TBCCD1: variants seen among roughly 807,000 people sequenced by gnomAD.
The protein encoded by TBCCD1 is TBCC domain containing 1, also known as TBCC domain-containing protein 1.
In TBCCD1, 26 loss-of-function variants were observed where a neutral mutation model predicts 53.4. The ratio of observed to expected loss-of-function variants is 0.49; its 90% CI spans 0.36 to 0.68. The LOEUF (loss-of-function observed/expected upper bound fraction) is 0.68. Among genes scored for constraint, TBCCD1 ranks in the 30% least tolerant of loss-of-function variants. The probability of loss-of-function intolerance (pLI) is 0.00; values close to 1 mark genes in which losing one functional copy is unlikely to be tolerated. For missense variants in TBCCD1, 558 were observed against 669.5 expected, an observed-to-expected ratio of 0.83 and a Z score of 1.84; for synonymous variants, 245 against 241.7, an observed-to-expected ratio of 1.01 and a Z score of -0.13.
At chr3:186,564,446 CCT>C in intron 1 of TBCCD1, 74 bp from the exon 2 acceptor site, 5 of 986,724 alleles carry the variant, frequency 5.1e-6, no homozygotes, top group Non-Finnish European at 5.8e-6. Context: ...GAAGGTGACC[CCT>C]CTCTCTCAAC....
At position 186,564,981 on chromosome 3, in the gene TBCCD1, T is replaced by C. The variant is rs183225663; in HGVS notation, c.-43-609A>G. On this transcript the variant is annotated intron_variant, in intron 1 of 7. Coordinates refer to ENST00000338733, the MANE Select transcript of TBCCD1 (RefSeq NM_018138.5). ...AGTTCAGGTGTGATTTTTTAGATTT[T>C]TTTTTGTTGTAACAATGATACATGA... Among the ~76,000 whole-genome samples the C allele has an allele frequency of 3.0e-3, 454 of 152,350 alleles. 2 individuals carry two copies. Among genetic ancestry groups the C allele is most frequent in the Admixed American group, 5.0e-3 (77 of 15,302 alleles).
chr3:186,551,115 G>A lies in TBCCD1; in HGVS notation c.*21+14C>T, dbSNP rs202198614. 1.2e-6 allele frequency: 2 copies of A among 1,601,934 alleles called. No individual in the cohort carries two copies. The highest frequency in any genetic ancestry group is 2.7e-5 in the African/African-American group (2 of 74,346). On this transcript the variant is annotated intron_variant, in intron 7 of 7. Coordinates refer to ENST00000338733, the MANE Select transcript of TBCCD1 (RefSeq NM_018138.5). Reference sequence around the variant, plus strand: ...TCCCCAAAAGAATCTGTTTTAAGTGGTATAAATGCCTACCAGTGTCTGCAT... The same window carrying A: ...TCCCCAAAAGAATCTGTTTTAAGTGATATAAATGCCTACCAGTGTCTGCAT...
At chr3:186,557,952 A>G (rs762307129) in intron 3 of TBCCD1, among the ~76,000 whole-genome samples, 2 of 152,260 alleles carry the variant, frequency 1.3e-5, no homozygotes, top group African/African-American at 2.4e-5. Context: ...GAAAAAAGCA[A>G]TAAGACATCC....
In TBCCD1 at chr3:186,556,654, G is replaced by A. The variant is rs988317677; in HGVS notation, c.614C>T (p.Ser205Phe). 6 of 1,614,042 alleles carry A rather than the reference G, an allele frequency of 3.7e-6. No homozygotes were observed. The African/African-American group carries it at 6.7e-5, about 18-fold the overall frequency. Reference sequence around the variant, plus strand: ...GCTGAGCGCCACAACAGCTTCTCGAGACACTAGACTACTATGGGTTGAATG... The same window carrying A: ...GCTGAGCGCCACAACAGCTTCTCGAAACACTAGACTACTATGGGTTGAATG... ...SFHSTHSSLV[S>F]REAVVALSFL... The change falls in exon 4 of 8, where the codon TCT becomes TTT. Residue 205 changes from serine to phenylalanine, a missense_variant. Transcript: ENST00000338733.
chr3:186,558,433 G>C lies in TBCCD1; in HGVS notation c.476C>G (p.Ser159Cys). ...KSQSPDLTEK[S>C]NCHNKNWNDY... ...AAGGAGTACCTTATTATGACAATTA[G>C]ATTTTTCAGTCAGGTCAGGAGACTG... The change falls in exon 3 of 8, where the codon TCT (serine) becomes TGT (cysteine). Residue 159 changes from serine to cysteine, a missense_variant. Physicochemically the swap from Ser to Cys is moderately radical, Grantham distance 112. Coordinates refer to ENST00000338733, the MANE Select transcript of TBCCD1 (RefSeq NM_018138.5). 1 of 1,614,024 alleles carries C rather than the reference G, an allele frequency of 6.2e-7. No homozygotes were observed. Among genetic ancestry groups the C allele is most frequent in the Non-Finnish European group, 8.5e-7 (1 of 1,179,996 alleles).
chr3:186,564,633 T>C (rs925313160), intron 1 of TBCCD1, among the ~76,000 whole-genome samples: 1 of 151,766 alleles, frequency 6.6e-6, no homozygotes, highest in Non-Finnish European at 1.5e-5. Context: ...TGTAGATGCA[T>C]GAAGTCTGAG....
intron 7 of TBCCD1, among the ~76,000 whole-genome samples, chr3:186,548,132 A>G (rs530495602): frequency 2.0e-5 from 3 of 152,234 alleles, no homozygotes; most frequent in Admixed American, 6.5e-5. Context: ...ATGTCCATCA[A>G]CTGATCAACA....
chr3:186,558,680 C>A (rs374128837), intron 2 of TBCCD1, 108 bp from the exon 3 acceptor site: 3 of 1,231,786 alleles, frequency 2.4e-6, no homozygotes, highest in South Asian at 1.6e-5. Flanking sequence ...CCTAAAAAAA[C>A]CAACTTAGAA....
rs193137971 is a variant in TBCCD1, at chr3:186,561,890, T to C, written c.336+2104A>G. ...ACTTCTGGGTATTTATCCAAAGGAATTGAAATCAGGATCCTGCAAATACCT... is the reference window on the plus strand; with the variant it reads ...ACTTCTGGGTATTTATCCAAAGGAACTGAAATCAGGATCCTGCAAATACCT... On this transcript the variant is annotated intron_variant, in intron 2 of 7. Coordinates refer to ENST00000338733, the MANE Select transcript of TBCCD1 (RefSeq NM_018138.5). Among the ~76,000 whole-genome samples, 184 of 152,348 alleles carry C rather than the reference T, an allele frequency of 1.2e-3. 3 individuals are homozygous for C. The highest frequency in any genetic ancestry group is 4.3e-3 in the African/African-American group (177 of 41,582).
Position 186,564,230 on chromosome 3 carries a change from T to A in TBCCD1, c.100A>T (p.Arg34Trp). Residue 34 changes from arginine to tryptophan, a missense_variant, in exon 2 of 8, where the codon AGG (arginine) becomes TGG (tryptophan). Arg to Trp is a moderately radical substitution (Grantham distance 101, BLOSUM62 -3). Coordinates refer to ENST00000338733, the MANE Select transcript of TBCCD1 (RefSeq NM_018138.5). ...PPSKFSLHYL[R>W]KISTYVQIRA... is the part of the protein sequence containing the mutation. ...ATTTGCACATAGGTGGATATCTTCCTGAGATAGTGAAGACTAAACTTGGAT... is the reference window on the plus strand; with the variant it reads ...ATTTGCACATAGGTGGATATCTTCCAGAGATAGTGAAGACTAAACTTGGAT... 3 of 1,614,190 alleles carry A rather than the reference T, an allele frequency of 1.9e-6. No individual in the cohort carries two copies. The highest frequency in any genetic ancestry group is 2.5e-6 in the Non-Finnish European group (3 of 1,180,020).
At chr3:186,563,946 T>C in intron 2 of TBCCD1, 48 bp downstream of exon 2, 1 of 1,493,590 alleles carries the variant, frequency 6.7e-7, no homozygotes, top group Non-Finnish European at 8.9e-7. Context: ...TAAAAAAGAA[T>C]GGTTTCTTTC....
At position 186,556,539 on chromosome 3, in the gene TBCCD1, G is replaced by A. The variant is rs1453624272; in HGVS notation, c.729C>T (p.Gly243=). 1 of 1,613,454 alleles carries A rather than the reference G, an allele frequency of 6.2e-7. No individual in the cohort carries two copies. Among genetic ancestry groups the A allele is most frequent in the South Asian group, 1.1e-5 (1 of 90,856 alleles). ...ALWQPLHADS[G]FSKISKTFSF... Reference sequence around the variant, plus strand: ...AGAAAGTCTTAGAGATCTTTGAGAAGCCACTATCTGCATGCAGTGGTTGCC... The same window carrying A: ...AGAAAGTCTTAGAGATCTTTGAGAAACCACTATCTGCATGCAGTGGTTGCC... The change falls in exon 4 of 8, where the codon GGC becomes GGT. Residue 243 remains glycine, a synonymous_variant. Transcript: ENST00000338733.
At chr3:186,563,910 G>T in intron 2 of TBCCD1, 84 bp downstream of exon 2, 1 of 1,441,096 alleles carries the variant, frequency 6.9e-7, no homozygotes, top group Non-Finnish European at 9.2e-7. Flanking sequence ...TCTAAAAATT[G>T]TAATAAGCAA....
chr3:186,555,159 G>A (rs766880426), intron 4 of TBCCD1, 75 bp from the exon 5 acceptor site: 27 of 1,391,562 alleles, frequency 1.9e-5, no homozygotes, highest in Admixed American at 7.3e-5. Flanking sequence ...GAGGTTACAC[G>A]TCTACATGTA....
intron 6 of TBCCD1, among the ~76,000 whole-genome samples, chr3:186,552,187 T>G (rs1271475850): frequency 6.6e-6 from 1 of 151,988 alleles, no homozygotes; most frequent in Non-Finnish European, 1.5e-5. Context: ...AATGAGTATT[T>G]GGAGAGGAAT....
intron 1 of TBCCD1, among the ~76,000 whole-genome samples, 156 bp downstream of exon 1, chr3:186,567,111 C>T (rs1714855518): frequency 6.6e-6 from 1 of 152,236 alleles, no homozygotes; most frequent in Non-Finnish European, 1.5e-5. Flanking sequence ...TGGGCCGCCC[C>T]AGCGTCGCGA....
chr3:186,553,259 TTCA>T (rs1211195391), intron 6 of TBCCD1: 1 of 152,236 alleles, frequency 6.6e-6, no homozygotes, highest in African/African-American at 2.4e-5. Flanking sequence ...ATCTAAGCAC[TTCA>T]TCGTTTCTTG....
At chr3:186,566,662 G>A (rs1714840971) in intron 1 of TBCCD1, among the ~76,000 whole-genome samples, 1 of 152,228 alleles carries the variant, frequency 6.6e-6, no homozygotes, top group East Asian at 1.9e-4. Flanking sequence ...TTAAAAACGG[G>A]AGTGGATCCA....
At chr3:186,562,736 A>G (rs555905426) in intron 2 of TBCCD1, among the ~76,000 whole-genome samples, 1 of 146,178 alleles carries the variant, frequency 6.8e-6, no homozygotes, top group South Asian at 2.3e-4. Context: ...AGGAGGGGGA[A>G]CCTATGGGGG....
Sources: allele counts gnomAD v4.1 joint callset (sites outside exome capture counted in the v4.1 genomes callset), GRCh38; gene constraint gnomAD v4.1.1; transcripts MANE v1.5; gene names NCBI Gene and HGNC (gene_info 2026-07-23, HGNC 2026-07-21).